Variants in CEP72 observed in about 807,000 individuals in gnomAD.
The protein encoded by CEP72 is centrosomal protein 72.
In CEP72, 78 loss-of-function variants were observed where a neutral mutation model predicts 65.7. That is an observed-to-expected ratio of 1.19 (90% CI 0.99 to 1.43). The LOEUF (loss-of-function observed/expected upper bound fraction) is 1.43, where lower values mean the gene tolerates loss of function less well. CEP72 is among the 40% of genes most tolerant of loss of function. The probability of loss-of-function intolerance (pLI) is 0.00; values close to 1 mark genes in which losing one functional copy is unlikely to be tolerated. For missense variants in CEP72, 914 were observed against 832.9 expected (o/e 1.10, Z -1.20); for synonymous variants, 358 against 351.7 (o/e 1.02, Z -0.20).
rs1408681573 is a variant in CEP72 at position 645,829 on chromosome 5, C to T, written c.1666+1404C>T. 1.3e-5 allele frequency among the ~76,000 whole-genome samples: 2 copies of T among 152,236 alleles called. No homozygotes were observed. The highest frequency in any genetic ancestry group is 6.5e-5 in the Admixed American group (1 of 15,288). On this transcript the variant is annotated intron_variant, in intron 10 of 11. Coordinates refer to ENST00000264935, the MANE Select transcript of CEP72 (RefSeq NM_018140.4). The surrounding 1 kb of genome is among the most constrained non-coding windows in gnomAD (Gnocchi z 4.0). ...TGTTTAATGTTAGAGGTGTCTTGGT[C>T]TTTGGTGGTTTGGTGATGTTCTTGT...
In CEP72 at chr5:637,832, TG is replaced by T; in HGVS notation, c.1206+18del. ...GACACCAGAGAGGTGAGAGAAGGGC[TG>T]GGGAGCAGCAGGCCCACGGCACTGC... On this transcript the variant is annotated intron_variant, in intron 7 of 11. Transcript: ENST00000264935. 1 of 1,521,324 alleles carries T rather than the reference TG, an allele frequency of 6.6e-7. No individual in the cohort carries two copies. The highest frequency in any genetic ancestry group is 8.8e-7 in the Non-Finnish European group (1 of 1,131,722). 94.2% of individuals were successfully genotyped at this position (1,521,324 alleles called of 1,614,324 possible).
downstream of CEP72, chr5:655,473 A>C (rs1479588592): frequency 6.6e-6 from 1 of 152,228 alleles, no homozygotes; most frequent in East Asian, 1.9e-4. The surrounding 1 kb of genome is among the most constrained non-coding windows in gnomAD (Gnocchi z 5.0). Context: ...AGAAATTCCC[A>C]ACTGTTCCAA....
the CEP72 span, among the ~76,000 whole-genome samples, chr5:675,542 G>A: frequency 7.3e-5 from 9 of 124,054 alleles, no homozygotes; most frequent in South Asian, 5.6e-4. Flanking sequence ...CGGGGATGCC[G>A]TGTGGCCGGG....
At chr5:671,341 A>G (rs1470240358), downstream of CEP72, among the ~76,000 whole-genome samples, 1 of 151,682 alleles carries the variant, frequency 6.6e-6, no homozygotes, top group East Asian at 1.9e-4. Context: ...GCCCAGAGGG[A>G]CCCCGGGCAG....
At chr5:638,991 C>T (rs575325136) in intron 7 of CEP72, 98 bp from the exon 8 acceptor site, 147 of 1,491,084 alleles carry the variant, frequency 9.9e-5, no homozygotes, top group South Asian at 4.9e-4. Flanking sequence ...TCCTCCCCTT[C>T]GTGGTGCGAG....
downstream of CEP72, among the ~76,000 whole-genome samples, chr5:659,423 G>A (rs890598579): frequency 6.6e-6 from 1 of 152,222 alleles, no homozygotes; most frequent in African/African-American, 2.4e-5. Context: ...AATGTCTGCT[G>A]GTGGCAAATT....
At chr5:670,274 G>A (rs1740167559), downstream of CEP72, among the ~76,000 whole-genome samples, 1 of 152,160 alleles carries the variant, frequency 6.6e-6, no homozygotes, top group Admixed American at 6.5e-5. Context: ...CTCCCATGGT[G>A]CCCTCTCTGA....
rs187375447 is a variant in CEP72 at position 641,779 on chromosome 5, C to T, written c.1539+1175C>T. 5.1e-6 allele frequency: 5 copies of T among 984,342 alleles called. No individual in the cohort carries two copies. In the South Asian group the frequency reaches 1.9e-4, roughly 37 times the overall value. 61.0% of individuals were successfully genotyped at this position (984,342 alleles called of 1,614,324 possible). On this transcript the variant is annotated intron_variant, in intron 9 of 11. Transcript: ENST00000264935. The stretch of plus-strand genomic sequence containing the variant: ...CTGTGCATTTAAGCACACGTGGTCC[C>T]CCGTCTAGAAGCCTGTGCATTTAAG...
At chr5:660,795 T>C (rs1739559556), downstream of CEP72, 1 of 152,330 alleles carries the variant, frequency 6.6e-6, no homozygotes, top group Admixed American at 6.5e-5. Context: ...GGATGGGGGC[T>C]GGGGTAGGAG....
intron 5 of CEP72, among the ~76,000 whole-genome samples, chr5:634,249 T>C (rs951313392): frequency 3.9e-5 from 6 of 152,146 alleles, no homozygotes; most frequent in African/African-American, 1.4e-4. Context: ...CTGTGGCAAG[T>C]GGGGCTGACA....
downstream of CEP72, among the ~76,000 whole-genome samples, chr5:656,117 T>C (rs1381227794): frequency 6.6e-6 from 1 of 152,196 alleles, no homozygotes; most frequent in Non-Finnish European, 1.5e-5. Context: ...AGGATCCAGT[T>C]TCATTGTGTT....
At chr5:632,215 GTGT>G in intron 4 of CEP72, among the ~76,000 whole-genome samples, 1 of 68,488 alleles carries the variant, frequency 1.5e-5, no homozygotes, top group African/African-American at 5.7e-5. Flanking sequence ...GTTCTGTCCA[GTGT>G]CGGGATTTGA....
rs746351405 is a variant in CEP72, at chr5:633,767, A to G, written c.513-2A>G. ...TGCTGATGAGTTTGCTTTTCCTTAC[A>G]GACCACACCACCCCAGAGCCAAGTG... On this transcript the variant is annotated splice_acceptor_variant, in intron 4 of 11. Transcript: ENST00000264935. LOFTEE classifies it high-confidence loss of function. The G allele has an allele frequency of 1.9e-6, 3 of 1,613,776 alleles. No individual in the cohort carries two copies. Among genetic ancestry groups the G allele is most frequent in the African/African-American group, 2.7e-5 (2 of 74,930 alleles).
downstream of CEP72, among the ~76,000 whole-genome samples, chr5:669,843 C>T (rs993396761): frequency 1.4e-4 from 22 of 152,242 alleles, no homozygotes; most frequent in African/African-American, 4.3e-4. Flanking sequence ...TCTAGGACAG[C>T]GGTGCCTGCC....
At chr5:612,775 C>T (rs557555482) in intron 1 of CEP72, among the ~76,000 whole-genome samples, 64 of 152,378 alleles carry the variant, frequency 4.2e-4, no homozygotes, top group African/African-American at 1.5e-3. Context: ...CGCTGGGGAT[C>T]ACCTCCCTGG....
chr5:629,331 G>A (rs898249008), intron 4 of CEP72, among the ~76,000 whole-genome samples: 10 of 152,284 alleles, frequency 6.6e-5, no homozygotes, highest in Admixed American at 1.3e-4. Flanking sequence ...GGATGTGCTA[G>A]GAAAAGTGTA....
chr5:633,640 CG>C, intron 4 of CEP72, 128 bp from the exon 5 acceptor site: 1 of 840,082 alleles, frequency 1.2e-6, no homozygotes, highest in Non-Finnish European at 1.9e-6. Flanking sequence ...CAACAGGACC[CG>C]GCTGCCCCAC....
At chr5:640,745 G>T (rs1480484779) in intron 9 of CEP72, 141 bp downstream of exon 9, 2 of 1,436,842 alleles carry the variant, frequency 1.4e-6, no homozygotes, top group Non-Finnish European at 1.8e-6. Context: ...TCCCTGCCCG[G>T]GACCCGGCCA....
chr5:637,738 A>T lies in CEP72; in HGVS notation c.1126A>T (p.Arg376Trp). ...SLSRQDSSES[R>W]NGRTLSQPEA... ...GAGCAGACAGGACAGCTCAGAAAGC[A>T]GGAACGGGAGGACCTTGTCTCAGCC... is the stretch of plus-strand genomic sequence containing the variant. The change falls in exon 7 of 12, where the codon AGG (arginine) becomes TGG (tryptophan). Residue 376 changes from arginine to tryptophan, a missense_variant. By Grantham distance (101) the Arg-to-Trp change is moderately radical. Transcript: ENST00000264935. The T allele has an allele frequency of 1.9e-6, 3 of 1,613,002 alleles. No individual in the cohort carries two copies. Among genetic ancestry groups the T allele is most frequent in the Non-Finnish European group, 2.5e-6 (3 of 1,179,730 alleles).
Sources: gnomAD v4.1 joint callset for allele counts (sites outside exome capture counted in the v4.1 genomes callset) on GRCh38, gnomAD v4.1.1 for gene constraint, Gnocchi (gnomAD v3.1) non-coding constraint, MANE v1.5 for transcripts, NCBI Gene and HGNC (gene_info 2026-07-23, HGNC 2026-07-21) for gene names.